Variants in ANKRD30BL observed in about 807,000 individuals in gnomAD.
ANKRD30BL encodes the protein ankyrin repeat domain 30B like.
In ANKRD30BL, 20 loss-of-function variants were observed where a neutral mutation model predicts 18.4. The ratio of observed to expected loss-of-function variants is 1.09; its 90% CI spans 0.77 to 1.58. The LOEUF is 1.58. Among genes scored for constraint, ANKRD30BL ranks in the 40% most tolerant of loss-of-function variants. The pLI is 0.00. For synonymous variants in ANKRD30BL, 72 were observed against 100.9 expected (o/e 0.71, Z 1.72); for missense variants, 224 against 268.6 (o/e 0.83, Z 1.16).
chr2:132,251,939 T>C (rs1015274637), intron 1 of ANKRD30BL, among the ~76,000 whole-genome samples: 1 of 152,274 alleles, frequency 6.6e-6, no homozygotes, highest in Non-Finnish European at 1.5e-5. Flanking sequence ...ATCGTTCTCA[T>C]GGAGAGACCT....
intron 1 of ANKRD30BL, among the ~76,000 whole-genome samples, chr2:132,235,903 A>G (rs1223846277): frequency 6.6e-6 from 1 of 152,170 alleles, no homozygotes; most frequent in South Asian, 2.1e-4. Flanking sequence ...CCAAAAGAAC[A>G]AAGCTGGAGG....
chr2:132,231,850 G>C (rs1352771737), intron 1 of ANKRD30BL, among the ~76,000 whole-genome samples: 4 of 152,208 alleles, frequency 2.6e-5, no homozygotes, highest in Non-Finnish European at 5.9e-5. Context: ...GCTCAAGGAG[G>C]CCTGCCTGCC....
In ANKRD30BL at chr2:132,220,516, G is replaced by A. The variant is rs368609078; in HGVS notation, n.441+37013C>T. On this transcript the variant is annotated intron_variant and non_coding_transcript_variant, in intron 1 of 4. Transcript: ENST00000470729. ...GTGCCTGTGATTGCAGGCGCGCGTC[G>A]CCACGCCTGACTGGTTTTCGTTTTT... is the stretch of plus-strand genomic sequence containing the variant. Among the ~76,000 whole-genome samples the A allele has an allele frequency of 2.8e-4, 42 of 151,760 alleles. No individual in the cohort carries two copies. The East Asian group carries it at 5.2e-3, about 19-fold the overall frequency.
chr2:132,211,077 AT>A (rs1316829608), intron 1 of ANKRD30BL, among the ~76,000 whole-genome samples: 2 of 152,006 alleles, frequency 1.3e-5, no homozygotes, highest in African/African-American at 2.4e-5. Flanking sequence ...AGACAGAGGC[AT>A]TTTGAGAAGC....
chr2:132,202,458 G>C (rs1222348623), intron 1 of ANKRD30BL, among the ~76,000 whole-genome samples: 1 of 150,110 alleles, frequency 6.7e-6, no homozygotes, highest in South Asian at 2.1e-4. Flanking sequence ...AATGGGACTT[G>C]AATATTTTAA....
At chr2:132,196,126 A>T (rs968546765) in intron 1 of ANKRD30BL, among the ~76,000 whole-genome samples, 1 of 149,612 alleles carries the variant, frequency 6.7e-6, no homozygotes, top group Non-Finnish European at 1.5e-5. Context: ...TGGGCGACAG[A>T]GCTAGAGTCC....
Position 132,186,272 on chromosome 2 carries a change from C to T in ANKRD30BL, n.442-29126G>A, listed in dbSNP as rs548350760. Among the ~76,000 whole-genome samples, 171 of 151,868 alleles carry T rather than the reference C, an allele frequency of 1.1e-3. 1 individual carries two copies. The highest frequency in any genetic ancestry group is 3.5e-3 in the African/African-American group (144 of 41,406). ...TAATAAGAAAAACATATAAATAGTA[C>T]GTAACTAGAATTGTTAATTTCTTGA... On this transcript the variant is annotated intron_variant and non_coding_transcript_variant, in intron 1 of 4. Transcript: ENST00000470729.
chr2:132,200,050 A>G (rs1278991525), intron 1 of ANKRD30BL, among the ~76,000 whole-genome samples: 3 of 152,366 alleles, frequency 2.0e-5, no homozygotes, highest in Admixed American at 2.0e-4. Context: ...AAACAGAACC[A>G]AAGACAAAAA....
chr2:132,176,897 A>G (rs1374651210), intron 1 of ANKRD30BL, among the ~76,000 whole-genome samples: 3 of 152,214 alleles, frequency 2.0e-5, no homozygotes, highest in South Asian at 2.1e-4. Flanking sequence ...CCACATAGAT[A>G]TTGTAGAGAA....
In ANKRD30BL at chr2:132,225,026, T is replaced by G. The variant is rs1472462874; in HGVS notation, n.441+32503A>C. On this transcript the variant is annotated intron_variant and non_coding_transcript_variant, in intron 1 of 4. Transcript: ENST00000470729. ...AGCATTCTTAGAAACTTCTGTGTGC[T>G]GTTTGCATTCAACTCAGAGACTTGA... 6.6e-5 allele frequency among the ~76,000 whole-genome samples: 10 copies of G among 152,092 alleles called. No individual in the cohort carries two copies. In the East Asian group the frequency reaches 1.7e-3, roughly 26 times the overall value.
chr2:132,177,658 A>G (rs1170370580), intron 1 of ANKRD30BL, among the ~76,000 whole-genome samples: 1 of 152,232 alleles, frequency 6.6e-6, no homozygotes, highest in African/African-American at 2.4e-5. Flanking sequence ...TTCACAATTC[A>G]CAGTAAGGAA....
intron 1 of ANKRD30BL, among the ~76,000 whole-genome samples, chr2:132,184,886 T>A (rs1220948982): frequency 1.3e-5 from 2 of 151,876 alleles, no homozygotes; most frequent in Non-Finnish European, 1.5e-5. Flanking sequence ...CAATCTCAGC[T>A]CATGCAATTT....
At chr2:132,194,486 G>C (rs150709146) in intron 1 of ANKRD30BL, among the ~76,000 whole-genome samples, 2 of 152,318 alleles carry the variant, frequency 1.3e-5, no homozygotes, top group Non-Finnish European at 2.9e-5. Context: ...GATTGTATGT[G>C]AGGATGTTTC....
At chr2:132,200,496 A>T (rs1350940828) in intron 1 of ANKRD30BL, among the ~76,000 whole-genome samples, 3 of 152,174 alleles carry the variant, frequency 2.0e-5, no homozygotes, top group Non-Finnish European at 4.4e-5. Context: ...CTTATACACC[A>T]ACAACAAACA....
rs142298657 is a variant in ANKRD30BL, at chr2:132,157,175, A to G, written c.334-29T>C. 1,244 of 1,347,942 alleles carry G rather than the reference A, an allele frequency of 9.2e-4. 6 individuals are homozygous for G. In the African/African-American group the frequency reaches 0.015, roughly 16 times the overall value. 83.5% of individuals were successfully genotyped at this position (1,347,942 alleles called of 1,614,324 possible). ...TCAGTATTAAAGCAAAAAGTAAATTATAAATTATAGGAAATATAAATAAAT... is the reference window on the plus strand; with the variant it reads ...TCAGTATTAAAGCAAAAAGTAAATTGTAAATTATAGGAAATATAAATAAAT... On this transcript the variant is annotated intron_variant, in intron 2 of 5. Transcript: ENST00000409867.
intron 1 of ANKRD30BL, among the ~76,000 whole-genome samples, chr2:132,205,607 A>AAAAAAAG (rs1324085685): frequency 1.3e-5 from 2 of 151,554 alleles, no homozygotes; most frequent in South Asian, 4.1e-4. Context: ...GTCTCAAAAA[A>AAAAAAAG]AAAAAAGAAA....
chr2:132,191,509 T>G (rs1175275581), intron 1 of ANKRD30BL, among the ~76,000 whole-genome samples: 1 of 152,132 alleles, frequency 6.6e-6, no homozygotes, highest in Non-Finnish European at 1.5e-5. Context: ...AATATGATAA[T>G]TCAGGGTGTT....
intron 1 of ANKRD30BL, among the ~76,000 whole-genome samples, chr2:132,185,209 T>G (rs184401861): frequency 3.9e-5 from 6 of 152,288 alleles, no homozygotes; most frequent in Admixed American, 3.3e-4. Flanking sequence ...ATGCTGAATA[T>G]TATGGATTAT....
At chr2:132,185,291 C>T (rs542637773) in intron 1 of ANKRD30BL, among the ~76,000 whole-genome samples, 15 of 152,310 alleles carry the variant, frequency 9.8e-5, no homozygotes, top group Non-Finnish European at 2.2e-4. Flanking sequence ...CACCTCTCAG[C>T]AATTCTCAAT....
Sources: allele counts gnomAD v4.1 joint callset (sites outside exome capture counted in the v4.1 genomes callset), GRCh38; gene constraint gnomAD v4.1.1; transcripts MANE v1.5; gene names NCBI Gene and HGNC (gene_info 2026-07-23, HGNC 2026-07-21).